Variants in ZNF736 observed in about 807,000 individuals in gnomAD.
ZNF736 encodes the protein zinc finger protein 736.
Under a neutral mutation model 11.7 loss-of-function variants are expected in ZNF736, and 6 were observed. That is an observed-to-expected ratio of 0.51 (90% CI 0.28 to 1.01). The LOEUF is 1.01. Ranked by LOEUF, ZNF736 falls within the 50% of genes least tolerant of loss-of-function variation. The pLI, the probability that ZNF736 is intolerant of heterozygous loss-of-function variation, is 0.09. For missense variants in ZNF736, 444 were observed against 496.0 expected (o/e 0.90, Z 1.00); for synonymous variants, 139 against 164.7 (o/e 0.84, Z 1.19).
chr7:64,342,136 C>T, intron 3 of ZNF736, among the ~76,000 whole-genome samples: 1 of 152,130 alleles, frequency 6.6e-6, no homozygotes, highest in East Asian at 1.9e-4. Context: ...AACTGCTCTT[C>T]TATTGCTTTG....
chr7:64,327,342 CTTTT>C (rs1378713843), intron 1 of ZNF736, among the ~76,000 whole-genome samples: 1 of 152,142 alleles, frequency 6.6e-6, no homozygotes, highest in Non-Finnish European at 1.5e-5. Context: ...TATTCCTCCT[CTTTT>C]TTGTTTCCAT....
chr7:64,333,474 C>T (rs1348440060), intron 1 of ZNF736, among the ~76,000 whole-genome samples: 1 of 152,160 alleles, frequency 6.6e-6, no homozygotes, highest in East Asian at 1.9e-4. Context: ...CTTTGGTTAT[C>T]AGTGAAGAAG....
intron 1 of ZNF736, among the ~76,000 whole-genome samples, chr7:64,329,103 T>C (rs1467794237): frequency 1.3e-5 from 2 of 152,132 alleles, no homozygotes; most frequent in African/African-American, 4.8e-5. Flanking sequence ...GAATTTTTGC[T>C]AGATTCTTCA....
At chr7:64,341,000 T>C (rs555072939) in intron 3 of ZNF736, among the ~76,000 whole-genome samples, 1 of 149,024 alleles carries the variant, frequency 6.7e-6, no homozygotes, top group Middle Eastern at 3.5e-3. Context: ...TCTAATAAAT[T>C]AGTTACATAT....
rs1039522947 is a variant in ZNF736, at chr7:64,347,994, T to G, written c.227-96T>G. ...TATAAGAATATAGAGCCTGTGGTAT[T>G]TTATTATCGTTTTATTAATTGCTTT... is the stretch of plus-strand genomic sequence containing the variant. On this transcript the variant is annotated intron_variant, in intron 3 of 3. Transcript: ENST00000423484. 5 of 1,073,326 alleles carry G rather than the reference T, an allele frequency of 4.7e-6. No homozygotes were observed. In the African/African-American group the frequency reaches 8.0e-5, roughly 17 times the overall value. 66.5% of individuals were successfully genotyped at this position (1,073,326 alleles called of 1,614,324 possible). A position where few individuals can be genotyped will look rare whatever the true frequency, so the allele number is the denominator to read the frequency against.
chr7:64,329,154 T>C (rs1789122838), intron 1 of ZNF736, among the ~76,000 whole-genome samples: 1 of 134,074 alleles, frequency 7.5e-6, no homozygotes, highest in East Asian at 2.6e-4. Context: ...GAATTTCTTT[T>C]TCTTCTTTTT....
rs1789439929 is a variant in ZNF736 at position 64,348,392 on chromosome 7, GA to G, written c.531del (p.Glu177AspfsTer21). On this transcript the variant is annotated frameshift_variant, in exon 4 of 4. Coordinates refer to ENST00000423484, the MANE Select transcript of ZNF736 (RefSeq NM_001170905.3). LOFTEE classifies it low-confidence loss of function (END_TRUNC). ...CAGAGAGAAATGCCACAAATGTGAAGAATGTGGCAAAGACTGTAGGTTGTTC... is the reference window on the plus strand; with the variant it reads ...CAGAGAGAAATGCCACAAATGTGAAGATGTGGCAAAGACTGTAGGTTGTTC... ...FSREKCHKCE[E>X]CGKDCRLFSD... 3.2e-6 allele frequency: 5 copies of G among 1,550,880 alleles called. No individual in the cohort carries two copies. Among genetic ancestry groups the G allele is most frequent in the Non-Finnish European group, 4.4e-6 (5 of 1,146,846 alleles).
In ZNF736 at chr7:64,314,141, A is replaced by C; in HGVS notation, c.-10A>C. On this transcript the variant is annotated 5_prime_UTR_variant, in exon 1 of 4. Coordinates refer to ENST00000423484, the MANE Select transcript of ZNF736 (RefSeq NM_001170905.3). ...ATAGGGAGGACGGCGGAACATCTGG[A>C]GGCTGGGAAATGGTGAGTGCGTGGA... The C allele has an allele frequency of 1.3e-6, 2 of 1,552,130 alleles. No homozygotes were observed. Among genetic ancestry groups the C allele is most frequent in the Non-Finnish European group, 8.7e-7 (1 of 1,147,314 alleles).
At position 64,314,248 on chromosome 7, in the gene ZNF736, T is replaced by C. The variant is rs374483341; in HGVS notation, c.3+95T>C. 28 of 1,475,280 alleles carry C rather than the reference T, an allele frequency of 1.9e-5. No individual in the cohort carries two copies. The Admixed American group carries it at 5.1e-4, about 27-fold the overall frequency. 91.4% of individuals were successfully genotyped at this position (1,475,280 alleles called of 1,614,324 possible). A position where few individuals can be genotyped will look rare whatever the true frequency, so the allele number is the denominator to read the frequency against. On this transcript the variant is annotated intron_variant, in intron 1 of 3. Transcript: ENST00000423484. ...GTGGTATCTGGGCCTTCTCGCGGTCTGCTCTGGAGTCTGCATCCCCGAGTC... is the reference window on the plus strand; with the variant it reads ...GTGGTATCTGGGCCTTCTCGCGGTCCGCTCTGGAGTCTGCATCCCCGAGTC...
At chr7:64,340,405 C>T (rs1350117023) in intron 3 of ZNF736, among the ~76,000 whole-genome samples, 1 of 143,146 alleles carries the variant, frequency 7.0e-6, no homozygotes, top group Non-Finnish European at 1.5e-5. Flanking sequence ...GGAGTCACTA[C>T]AGAATTTTAA....
At chr7:64,321,958 T>A (rs1789009585) in intron 1 of ZNF736, among the ~76,000 whole-genome samples, 2 of 152,244 alleles carry the variant, frequency 1.3e-5, no homozygotes, top group Admixed American at 6.5e-5. Context: ...GAATAAGTAG[T>A]CAGCCATTGT....
intron 3 of ZNF736, among the ~76,000 whole-genome samples, chr7:64,345,679 A>G (rs1345432445): frequency 7.1e-6 from 1 of 141,234 alleles, no homozygotes; most frequent in Non-Finnish European, 1.5e-5. Context: ...GGTTGCAGTG[A>G]GCCGAGATCG....
rs149398011 is a variant in ZNF736, at chr7:64,340,032, G to A, written c.226+3050G>A. 1.7e-3 allele frequency among the ~76,000 whole-genome samples: 263 copies of A among 152,270 alleles called. 1 individual carries two copies. Among genetic ancestry groups the A allele is most frequent in the African/African-American group, 5.7e-3 (236 of 41,554 alleles). On this transcript the variant is annotated intron_variant, in intron 3 of 3. Coordinates refer to ENST00000423484, the MANE Select transcript of ZNF736 (RefSeq NM_001170905.3). Reference sequence around the variant, plus strand: ...AGTGGGTTTGTTACCAGGAGCCTGGGTAGTTGTTAATCCTGTCTTATTTCT... The same window carrying A: ...AGTGGGTTTGTTACCAGGAGCCTGGATAGTTGTTAATCCTGTCTTATTTCT...
At chr7:64,346,827 T>C (rs909721017) in intron 3 of ZNF736, among the ~76,000 whole-genome samples, 1 of 152,046 alleles carries the variant, frequency 6.6e-6, no homozygotes, top group Non-Finnish European at 1.5e-5. Flanking sequence ...ATTTTTGTTA[T>C]TTCATTTTGT....
intron 1 of ZNF736, among the ~76,000 whole-genome samples, chr7:64,333,727 A>G (rs1789206024): frequency 6.6e-6 from 1 of 152,192 alleles, no homozygotes; most frequent in Non-Finnish European, 1.5e-5. Context: ...ACCCAAAGTA[A>G]TTTATAGATT....
At chr7:64,335,799 C>T (rs1161817738) in intron 1 of ZNF736, among the ~76,000 whole-genome samples, 1 of 152,152 alleles carries the variant, frequency 6.6e-6, no homozygotes, top group Non-Finnish European at 1.5e-5. Flanking sequence ...GCAACGATAC[C>T]ACTGGCAAAC....
intron 3 of ZNF736, among the ~76,000 whole-genome samples, chr7:64,339,636 T>TTAATTCTTAAAAA (rs1223070022): frequency 9.3e-5 from 14 of 151,074 alleles, no homozygotes; most frequent in South Asian, 4.2e-4. Context: ...CCTGCTCCAC[T>TTAATTCTTAAAAA]GATATCGGTG....
rs1478372170 is a variant in ZNF736 at position 64,319,488 on chromosome 7, CCTTTTTT to C, written c.3+5336_3+5342del. Among the ~76,000 whole-genome samples, 7 of 75,248 alleles carry C rather than the reference CCTTTTTT, an allele frequency of 9.3e-5. 1 individual carries two copies. The highest frequency in any genetic ancestry group is 2.7e-4 in the African/African-American group (5 of 18,344). 49.4% of individuals were successfully genotyped at this position (75,248 alleles called of 152,430 possible). Reference sequence around the variant, plus strand: ...CCAGGTAAATAGAAAACATTTCTTCCCTTTTTTTTTTTTTTTTTTTTTTTTGAGACAG... The same window carrying C: ...CCAGGTAAATAGAAAACATTTCTTCCTTTTTTTTTTTTTTTTTTGAGACAG... On this transcript the variant is annotated intron_variant, in intron 1 of 3. Coordinates refer to ENST00000423484, the MANE Select transcript of ZNF736 (RefSeq NM_001170905.3).
chr7:64,342,251 C>G (rs559288358), intron 3 of ZNF736, among the ~76,000 whole-genome samples: 1 of 151,956 alleles, frequency 6.6e-6, no homozygotes, highest in African/African-American at 2.4e-5. Context: ...GAGAGAGGCC[C>G]GGAACAGATG....
Sources: gnomAD v4.1 joint callset for allele counts (sites outside exome capture counted in the v4.1 genomes callset) on GRCh38, gnomAD v4.1.1 for gene constraint, MANE v1.5 for transcripts, NCBI Gene and HGNC (gene_info 2026-07-23, HGNC 2026-07-21) for gene names.